Variants in RBFOX1 observed in about 807,000 individuals in gnomAD.
The protein encoded by RBFOX1 is RNA binding protein fox-1 homolog 1.
Under a neutral mutation model 57.7 loss-of-function variants are expected in RBFOX1, and 8 were observed. That is an observed-to-expected ratio of 0.14 (90% CI 0.08 to 0.25). RBFOX1 has a LOEUF of 0.25. Ranked by LOEUF, RBFOX1 falls within the 10% of genes least tolerant of loss-of-function variation. RBFOX1 has a pLI of 1.00. For missense variants in RBFOX1, 611 were observed against 548.5 expected (o/e 1.11, Z -1.14); for synonymous variants, 326 against 222.4 (o/e 1.47, Z -4.15).
At chr16:7,375,207 G>A (rs1476174015) in intron 4 of RBFOX1, among the ~76,000 whole-genome samples, 1 of 152,192 alleles carries the variant, frequency 6.6e-6, no homozygotes, top group Non-Finnish European at 1.5e-5. Flanking sequence ...GATCAGAGAA[G>A]TACATCGTTT....
intron 1 of RBFOX1, among the ~76,000 whole-genome samples, chr16:5,377,947 A>C (rs1002450019): frequency 7.9e-5 from 12 of 151,604 alleles, no homozygotes; most frequent in Admixed American, 7.9e-4. Context: ...GAGCCTATTC[A>C]GGTAATTTTC....
intron 3 of RBFOX1, among the ~76,000 whole-genome samples, chr16:6,875,778 C>T (rs1249710749): frequency 1.3e-5 from 2 of 152,074 alleles, no homozygotes; most frequent in African/African-American, 2.4e-5. Flanking sequence ...GCCATGACAG[C>T]AGGATTATTT....
intron 4 of RBFOX1, among the ~76,000 whole-genome samples, chr16:7,125,969 G>T (rs1166462450): frequency 6.6e-6 from 1 of 152,180 alleles, no homozygotes; most frequent in Admixed American, 6.5e-5. Context: ...CGTAATCCCA[G>T]CTGCTCGGGA....
intron 4 of RBFOX1, among the ~76,000 whole-genome samples, chr16:7,201,343 C>G (rs1336884631): frequency 1.3e-5 from 2 of 152,164 alleles, no homozygotes; most frequent in Non-Finnish European, 2.9e-5. Context: ...CAGGAGAGAT[C>G]AAGTCCTGTG....
chr16:7,053,680 G>C (rs1294212106), intron 4 of RBFOX1, among the ~76,000 whole-genome samples: 1 of 152,114 alleles, frequency 6.6e-6, no homozygotes, highest in Non-Finnish European at 1.5e-5. Flanking sequence ...GTCCATTGTC[G>C]ACAGGAGTGT....
rs13332915 is a variant in RBFOX1, at chr16:6,541,947, T to C, written c.-63-112656T>C. On this transcript the variant is annotated intron_variant, in intron 2 of 15. Transcript: ENST00000550418. Reference sequence around the variant, plus strand: ...GTGTTCATTGATTTACATCTCCCCCTTTTTTTTTTTAATTAAAGAGATTAG... The same window carrying C: ...GTGTTCATTGATTTACATCTCCCCCCTTTTTTTTTTAATTAAAGAGATTAG... 6.0e-3 allele frequency among the ~76,000 whole-genome samples: 797 copies of C among 133,442 alleles called. 6 individuals are homozygous for C. Among genetic ancestry groups the C allele is most frequent in the African/African-American group, 0.021 (646 of 30,126 alleles). 87.5% of individuals were successfully genotyped at this position (133,442 alleles called of 152,430 possible). A position where few individuals can be genotyped will look rare whatever the true frequency, so the allele number is the denominator to read the frequency against.
chr16:5,443,314 C>T (rs1008329582), intron 1 of RBFOX1, among the ~76,000 whole-genome samples: 2 of 152,076 alleles, frequency 1.3e-5, no homozygotes, highest in African/African-American at 4.8e-5. Flanking sequence ...GTCAACTCCT[C>T]ATGTCACCTA....
chr16:5,608,411 T>G (rs1015250746), intron 3 of RBFOX1, among the ~76,000 whole-genome samples: 8 of 152,104 alleles, frequency 5.3e-5, no homozygotes, highest in African/African-American at 1.9e-4. Flanking sequence ...AGGGGCAATA[T>G]GGCAAAGTGG....
intron 3 of RBFOX1, among the ~76,000 whole-genome samples, chr16:7,047,683 C>T (rs1373901393): frequency 1.4e-4 from 13 of 92,542 alleles, no homozygotes; most frequent in South Asian, 3.6e-4. Context: ...AAATATTGTA[C>T]GTTTTGATAT....
At chr16:6,746,498 A>G (rs1040505264) in intron 3 of RBFOX1, among the ~76,000 whole-genome samples, 9 of 152,022 alleles carry the variant, frequency 5.9e-5, no homozygotes, top group Admixed American at 4.6e-4. Flanking sequence ...GCAACATGGC[A>G]AAGCCTCATC....
chr16:5,935,815 T>C (rs960785149), intron 4 of RBFOX1, among the ~76,000 whole-genome samples: 5 of 152,216 alleles, frequency 3.3e-5, no homozygotes, highest in Admixed American at 3.3e-4. Flanking sequence ...AGTTTATCTC[T>C]TGTGCTGCCT....
chr16:7,547,039 T>C (rs1403244070), intron 5 of RBFOX1, among the ~76,000 whole-genome samples: 1 of 151,986 alleles, frequency 6.6e-6, no homozygotes, highest in Non-Finnish European at 1.5e-5. Context: ...TGCACGGCAG[T>C]GTCCTGTCTC....
rs531557397 is a variant in RBFOX1, at chr16:7,392,164, C to A, written c.28-125983C>A. ...CCTCCATCAAAAATGTTTTATTCTG[C>A]CTCTTCAAACATTGCATTTTCATAA... On this transcript the variant is annotated intron_variant, in intron 4 of 15. Transcript: ENST00000550418. Among the ~76,000 whole-genome samples the A allele has an allele frequency of 6.6e-5, 10 of 152,316 alleles. No individual in the cohort carries two copies. The South Asian group carries it at 2.1e-3, about 32-fold the overall frequency.
At chr16:7,062,288 A>T (rs2054566893) in intron 4 of RBFOX1, among the ~76,000 whole-genome samples, 1 of 133,674 alleles carries the variant, frequency 7.5e-6, no homozygotes, top group Admixed American at 8.7e-5. Flanking sequence ...ACTGCACTCC[A>T]GTCTGAGAGA....
At chr16:6,621,508 G>T (rs763074689) in intron 2 of RBFOX1, among the ~76,000 whole-genome samples, 9 of 152,110 alleles carry the variant, frequency 5.9e-5, no homozygotes, top group Non-Finnish European at 1.2e-4. Context: ...GTAGTCATTA[G>T]TGTCAGGCTG....
At chr16:5,343,592 A>G (rs1179784233) in intron 1 of RBFOX1, among the ~76,000 whole-genome samples, 1 of 151,994 alleles carries the variant, frequency 6.6e-6, no homozygotes, top group Non-Finnish European at 1.5e-5. Flanking sequence ...AAGTGCTGGG[A>G]TTACAGGCAT....
At chr16:6,978,249 G>C (rs531087239) in intron 3 of RBFOX1, among the ~76,000 whole-genome samples, 66 of 152,266 alleles carry the variant, frequency 4.3e-4, no homozygotes, top group African/African-American at 1.5e-3. Flanking sequence ...TAGCCTTGGA[G>C]AGCGTGGCTT....
intron 1 of RBFOX1, among the ~76,000 whole-genome samples, chr16:6,035,563 G>C (rs556204188): frequency 6.6e-6 from 1 of 152,214 alleles, no homozygotes; most frequent in South Asian, 2.1e-4. Context: ...ATATTATACA[G>C]CTTTTCTATT....
intron 1 of RBFOX1, among the ~76,000 whole-genome samples, chr16:5,447,876 A>T (rs1401347163): frequency 6.6e-6 from 1 of 152,120 alleles, no homozygotes; most frequent in Non-Finnish European, 1.5e-5. Flanking sequence ...GTTTCCTGTG[A>T]CACTTTTCAT....
Sources: allele counts gnomAD v4.1 joint callset (sites outside exome capture counted in the v4.1 genomes callset), GRCh38; gene constraint gnomAD v4.1.1; transcripts MANE v1.5; gene names NCBI Gene and HGNC (gene_info 2026-07-23, HGNC 2026-07-21).